Variants in RGS22 observed in about 807,000 individuals in gnomAD.
RGS22 encodes the protein regulator of G protein signaling 22.
A neutral mutation model predicts 172.9 loss-of-function variants in RGS22; 148 were observed. That is an observed-to-expected ratio of 0.86 (90% CI 0.75 to 0.98). The LOEUF is 0.98. RGS22 is among the 50% of genes least tolerant of loss of function. The probability of loss-of-function intolerance (pLI) is 0.00; values close to 1 mark genes in which losing one functional copy is unlikely to be tolerated. For missense variants in RGS22, 1,347 were observed against 1,440.8 expected, an observed-to-expected ratio of 0.93 and a Z score of 1.05; for synonymous variants, 458 against 480.2, an observed-to-expected ratio of 0.95 and a Z score of 0.60.
chr8:100,006,665 G>A (rs1453605928), intron 15 of RGS22, among the ~76,000 whole-genome samples: 1 of 152,184 alleles, frequency 6.6e-6, no homozygotes, highest in Non-Finnish European at 1.5e-5. Context: ...AAATCAGCTT[G>A]GCTGAAGAGC....
At chr8:100,032,919 T>A (rs190711256) in intron 14 of RGS22, among the ~76,000 whole-genome samples, 1 of 152,146 alleles carries the variant, frequency 6.6e-6, no homozygotes, top group Non-Finnish European at 1.5e-5. Flanking sequence ...GAATGACTAC[T>A]GAGTAAATAA....
chr8:100,031,435 A>C (rs1208746204), intron 14 of RGS22, among the ~76,000 whole-genome samples: 1 of 152,124 alleles, frequency 6.6e-6, no homozygotes, highest in Non-Finnish European at 1.5e-5. Context: ...CTGTGGATTT[A>C]CCTAGGAATT....
Position 100,016,605 on chromosome 8 carries a change from G to A in RGS22, c.2167-8036C>T, listed in dbSNP as rs566842342. On this transcript the variant is annotated intron_variant, in intron 14 of 27. Transcript: ENST00000360863. Reference sequence around the variant, plus strand: ...ATCCTGGCTAACATGGTGAAACCCTGTCTCTACTAAAAATACAAAAAATTA... The same window carrying A: ...ATCCTGGCTAACATGGTGAAACCCTATCTCTACTAAAAATACAAAAAATTA... Among the ~76,000 whole-genome samples the A allele has an allele frequency of 4.6e-5, 7 of 152,048 alleles. No homozygotes were observed. The East Asian group carries it at 9.7e-4, about 21-fold the overall frequency.
At chr8:99,962,066 T>C (rs200826511) in intron 27 of RGS22, among the ~76,000 whole-genome samples, 1 of 106 alleles carries the variant, frequency 9.4e-3, no homozygotes, top group Admixed American at 0.17. Context: ...TTTTTAGTTC[T>C]TTTTTTTTTT....
chr8:100,004,838 G>A (rs1815510767), intron 16 of RGS22, among the ~76,000 whole-genome samples: 1 of 150,846 alleles, frequency 6.6e-6, no homozygotes, highest in South Asian at 2.1e-4. Context: ...AAATATAATC[G>A]CCTTCATATA....
intron 12 of RGS22, among the ~76,000 whole-genome samples, chr8:100,041,594 T>C (rs1820126946): frequency 6.6e-6 from 1 of 151,972 alleles, no homozygotes; most frequent in African/African-American, 2.4e-5. Context: ...TTGAAAACAG[T>C]AATCAATGCA....
intron 23 of RGS22, among the ~76,000 whole-genome samples, chr8:99,977,586 T>A (rs73699900): frequency 1.6e-4 from 25 of 152,250 alleles, no homozygotes; most frequent in African/African-American, 5.8e-4. Context: ...TCATTGAGGA[T>A]CTTAGTCCAA....
At chr8:100,088,507 A>G (rs935614126) in intron 3 of RGS22, among the ~76,000 whole-genome samples, 1 of 152,154 alleles carries the variant, frequency 6.6e-6, no homozygotes, top group Non-Finnish European at 1.5e-5. Context: ...GTCCATAAAG[A>G]GTTGACAGCA....
At chr8:100,066,362 A>G in intron 6 of RGS22, 66 bp from the exon 7 acceptor site, 1 of 1,274,088 alleles carries the variant, frequency 7.8e-7, no homozygotes, top group Non-Finnish European at 1.1e-6. Context: ...ACAAACCTGG[A>G]AAAATCATTA....
In RGS22 at chr8:99,999,326, A is replaced by G; in HGVS notation, c.2885T>C (p.Leu962Pro). 1.9e-6 allele frequency: 3 copies of G among 1,613,992 alleles called. No individual in the cohort carries two copies. The highest frequency in any genetic ancestry group is 3.3e-4 in the Middle Eastern group (2 of 6,058). The change falls in exon 19 of 28, where the codon CTA becomes CCA. Residue 962 changes from leucine to proline, a missense_variant. Leu to Pro is a moderately conservative substitution (Grantham distance 98, BLOSUM62 -3). Transcript: ENST00000360863. The part of the protein sequence containing the change: ...VEIQKHVQNR[L>P]ENVWLPLFLA... ...AAACAATGGCAGCCATACATTTTCTAGCCTATTTTGCACATGCTTCTGGAT... is the reference window on the plus strand; with the variant it reads ...AAACAATGGCAGCCATACATTTTCTGGCCTATTTTGCACATGCTTCTGGAT...
chr8:100,045,772 C>A (rs936784639), intron 11 of RGS22, among the ~76,000 whole-genome samples: 1 of 151,014 alleles, frequency 6.6e-6, no homozygotes, highest in African/African-American at 2.4e-5. Flanking sequence ...TTGAATAATT[C>A]AACTTTTCTC....
chr8:100,064,122 A>C, intron 7 of RGS22, 79 bp from the exon 8 acceptor site: 1 of 1,109,492 alleles, frequency 9.0e-7, no homozygotes, highest in Non-Finnish European at 1.2e-6. Context: ...CTATAGAGCC[A>C]GAATGGCAAA....
intron 21 of RGS22, among the ~76,000 whole-genome samples, chr8:99,983,502 T>C (rs576819236): frequency 6.6e-5 from 10 of 152,152 alleles, no homozygotes; most frequent in Admixed American, 6.5e-4. Context: ...GCCATTCTGA[T>C]TGGTGTGAGA....
intron 4 of RGS22, among the ~76,000 whole-genome samples, chr8:100,072,672 T>C (rs1811073886): frequency 1.3e-5 from 2 of 151,648 alleles, no homozygotes; most frequent in South Asian, 4.2e-4. Flanking sequence ...TTTAAAAAAA[T>C]GTTTTAACTA....
intron 14 of RGS22, among the ~76,000 whole-genome samples, chr8:100,024,433 T>C (rs1295264333): frequency 1.3e-5 from 2 of 152,218 alleles, no homozygotes; most frequent in Non-Finnish European, 2.9e-5. Context: ...AATACGTTGC[T>C]ACAAATATAA....
intron 19 of RGS22, 106 bp downstream of exon 19, chr8:99,999,156 C>CT: frequency 1.0e-6 from 1 of 959,810 alleles, no homozygotes; most frequent in Non-Finnish European, 1.5e-6. Context: ...GAGCCCATTC[C>CT]TTAAAAAAAA....
At chr8:100,017,608 A>G (rs938968695) in intron 14 of RGS22, among the ~76,000 whole-genome samples, 6 of 152,224 alleles carry the variant, frequency 3.9e-5, no homozygotes, top group African/African-American at 1.4e-4. Context: ...GTATATATAT[A>G]TATAGCAAAT....
rs1389943948 is a variant in RGS22 at position 100,066,276 on chromosome 8, T to C, written c.615A>G (p.Lys205=). The C allele has an allele frequency of 1.6e-5, 26 of 1,613,276 alleles. No individual in the cohort carries two copies. Among genetic ancestry groups the C allele is most frequent in the Non-Finnish European group, 2.2e-5 (26 of 1,179,434 alleles). Residue 205 remains lysine, a synonymous_variant, in exon 7 of 28, where the codon AAA becomes AAG. Transcript: ENST00000360863. The part of the protein sequence containing the change: ...SLGEASYTQT[K]DWFALAKQSQ... ...TTTGTTTTGCTAATGCAAACCAATC[T>C]TTTGTTTGAGTATAGGAAGCCTAGG...
At chr8:100,105,716 T>G in intron 1 of RGS22, 181 bp downstream of exon 1, 1 of 569,298 alleles carries the variant, frequency 1.8e-6, no homozygotes, top group South Asian at 2.3e-5. Context: ...GGTGCCAGCA[T>G]AAACCGGCGA....
Sources: gnomAD v4.1 joint callset for allele counts (sites outside exome capture counted in the v4.1 genomes callset) on GRCh38, gnomAD v4.1.1 for gene constraint, MANE v1.5 for transcripts, NCBI Gene and HGNC (gene_info 2026-07-23, HGNC 2026-07-21) for gene names.